Variants in PRKCH observed in about 807,000 individuals in gnomAD.
PRKCH encodes the protein protein kinase C eta type.
A neutral mutation model predicts 82.5 loss-of-function variants in PRKCH; 28 were observed. That is an observed-to-expected ratio of 0.34 (90% CI 0.25 to 0.47). The LOEUF is 0.47. Among genes scored for constraint, PRKCH ranks in the 20% least tolerant of loss-of-function variants. The probability of loss-of-function intolerance (pLI) is 1.00; values close to 1 mark genes in which losing one functional copy is unlikely to be tolerated. For missense variants in PRKCH, 705 were observed against 881.8 expected (o/e 0.80, Z 2.54); for synonymous variants, 322 against 327.4 (o/e 0.98, Z 0.18).
intron 5 of PRKCH, 136 bp downstream of exon 5, chr14:61,449,388 C>G: frequency 2.9e-6 from 2 of 680,978 alleles, no homozygotes; most frequent in Non-Finnish European, 5.2e-6. Context: ...CTTTCCTCCC[C>G]CTGCCACCTC....
intron 2 of PRKCH, among the ~76,000 whole-genome samples, chr14:61,432,443 A>T (rs1883452750): frequency 1.3e-5 from 2 of 152,214 alleles, no homozygotes; most frequent in African/African-American, 4.8e-5. Context: ...TTGGTAGTGA[A>T]CAATCTCAGT....
intron 2 of PRKCH, among the ~76,000 whole-genome samples, chr14:61,418,969 T>C (rs191533151): frequency 3.3e-4 from 51 of 152,298 alleles, no homozygotes; most frequent in African/African-American, 1.2e-3. Context: ...AGAGAAACAC[T>C]CTGCCTCCAT....
intron 2 of PRKCH, among the ~76,000 whole-genome samples, chr14:61,427,385 A>G (rs755126071): frequency 2.8e-4 from 43 of 152,202 alleles, no homozygotes; most frequent in Non-Finnish European, 5.9e-4. Flanking sequence ...TGTTTCCTAT[A>G]TAGACCTAGG....
At chr14:61,497,529 C>T (rs1261236277) in intron 10 of PRKCH, among the ~76,000 whole-genome samples, 3 of 152,102 alleles carry the variant, frequency 2.0e-5, no homozygotes, top group South Asian at 4.1e-4. Context: ...CTTAAGTGCA[C>T]AATTGGATAA....
At chr14:61,507,047 G>A (rs1887181470) in intron 10 of PRKCH, among the ~76,000 whole-genome samples, 1 of 152,078 alleles carries the variant, frequency 6.6e-6, no homozygotes, top group South Asian at 2.1e-4. Flanking sequence ...TCTGATAAGG[G>A]GTTAGTATCC....
intron 1 of PRKCH, among the ~76,000 whole-genome samples, chr14:61,188,386 C>T (rs1167664627): frequency 5.9e-5 from 9 of 152,186 alleles, no homozygotes; most frequent in Non-Finnish European, 1.5e-5. Flanking sequence ...CCGAGGAAGG[C>T]TGGCCCGCGG....
In PRKCH at chr14:61,550,080, G is replaced by A. The variant is rs2043308010; in HGVS notation, c.*249G>A. On this transcript the variant is annotated 3_prime_UTR_variant, in exon 14 of 14. Coordinates refer to ENST00000332981, the MANE Select transcript of PRKCH (RefSeq NM_006255.5). ...GAAGTATACCGCTCCACCTATGAGCGTCTGTCTCTGTGGGCTTGGGATGTT... is the reference window on the plus strand; with the variant it reads ...GAAGTATACCGCTCCACCTATGAGCATCTGTCTCTGTGGGCTTGGGATGTT... The A allele has an allele frequency of 5.3e-6, 2 of 373,962 alleles. No individual in the cohort carries two copies. The highest frequency in any genetic ancestry group is 4.1e-5 in the Admixed American group (1 of 24,404). The allele number at this position is 373,962 out of a possible 1,614,324, so 23.2% of individuals were successfully genotyped here.
chr14:61,488,755 A>G (rs1886333780), intron 10 of PRKCH, among the ~76,000 whole-genome samples: 2 of 152,096 alleles, frequency 1.3e-5, no homozygotes, highest in Admixed American at 1.3e-4. Flanking sequence ...CCCTCAGTCT[A>G]CTTGTCTCAT....
At chr14:61,503,459 C>T (rs1029710546) in intron 10 of PRKCH, among the ~76,000 whole-genome samples, 1 of 152,156 alleles carries the variant, frequency 6.6e-6, no homozygotes, top group Non-Finnish European at 1.5e-5. Context: ...TCTGCCTATG[C>T]AAATACTAAG....
intron 2 of PRKCH, among the ~76,000 whole-genome samples, chr14:61,413,677 T>C (rs1214161484): frequency 6.6e-6 from 1 of 152,100 alleles, no homozygotes; most frequent in African/African-American, 2.4e-5. Context: ...TCTGTAAACA[T>C]GGCCAGGCCT....
chr14:61,234,308 G>T (rs1292666021), intron 1 of PRKCH, among the ~76,000 whole-genome samples: 3 of 152,148 alleles, frequency 2.0e-5, no homozygotes, highest in Non-Finnish European at 2.9e-5. Context: ...TGTGACTACT[G>T]CATTAGGTAA....
intron 2 of PRKCH, among the ~76,000 whole-genome samples, chr14:61,392,168 A>C (rs57256001): frequency 0.11 from 16,605 of 151,622 alleles, 1,040 homozygotes; most frequent in Non-Finnish European, 0.12. Flanking sequence ...CTCTTGGTGG[A>C]CTTTTGGGGT....
At chr14:61,371,577 C>A (rs1379061305) in intron 1 of PRKCH, among the ~76,000 whole-genome samples, 1 of 151,976 alleles carries the variant, frequency 6.6e-6, no homozygotes. Context: ...GGAGGAAGAC[C>A]ACACAGGCAG....
chr14:61,338,189 C>A (rs2045883227), intron 1 of PRKCH, among the ~76,000 whole-genome samples: 1 of 152,132 alleles, frequency 6.6e-6, no homozygotes, highest in Admixed American at 6.5e-5. Context: ...CCCCAGCCTC[C>A]CCCACCACTT....
intron 9 of PRKCH, among the ~76,000 whole-genome samples, chr14:61,462,068 C>G (rs1282756771): frequency 6.6e-6 from 1 of 152,148 alleles, no homozygotes; most frequent in Non-Finnish European, 1.5e-5. Flanking sequence ...AGGGAATGTA[C>G]CCCTGCTTTA....
intron 1 of PRKCH, among the ~76,000 whole-genome samples, chr14:61,265,341 C>T (rs2045089078): frequency 6.6e-6 from 1 of 152,066 alleles, no homozygotes; most frequent in Non-Finnish European, 1.5e-5. Flanking sequence ...ATTAGCAGGG[C>T]ATGGAGGTGA....
intron 9 of PRKCH, among the ~76,000 whole-genome samples, chr14:61,482,102 C>G (rs767305086): frequency 8.2e-5 from 12 of 145,984 alleles, no homozygotes; most frequent in Non-Finnish European, 1.6e-4. Context: ...TCAAGTGATT[C>G]TCCTGCCTCA....
At chr14:61,463,160 A>G (rs910499330) in intron 9 of PRKCH, 1 of 152,230 alleles carries the variant, frequency 6.6e-6, no homozygotes, top group Admixed American at 6.5e-5. Flanking sequence ...AGTTCTTATC[A>G]TTAAAATGAA....
intron 9 of PRKCH, among the ~76,000 whole-genome samples, chr14:61,482,416 G>A (rs1392182751): frequency 6.6e-6 from 1 of 152,200 alleles, no homozygotes; most frequent in Non-Finnish European, 1.5e-5. Context: ...TTAAAATGGG[G>A]TGAACAGAAG....
Sources: allele counts gnomAD v4.1 joint callset (sites outside exome capture counted in the v4.1 genomes callset), GRCh38; gene constraint gnomAD v4.1.1; transcripts MANE v1.5; gene names NCBI Gene and HGNC (gene_info 2026-07-23, HGNC 2026-07-21).